Variants in GALNTL6 observed in about 807,000 individuals in gnomAD.
GALNTL6 encodes the protein polypeptide N-acetylgalactosaminyltransferase-like 6.
In GALNTL6, 46 loss-of-function variants were observed where a neutral mutation model predicts 73.7. That is an observed-to-expected ratio of 0.62 (90% confidence interval 0.49 to 0.80). The LOEUF (loss-of-function observed/expected upper bound fraction) is 0.80, where lower values mean the gene tolerates loss of function less well. Among genes scored for constraint, GALNTL6 ranks in the 30% least tolerant of loss-of-function variants. GALNTL6 has a pLI of 0.00. For synonymous variants in GALNTL6, 259 were observed against 263.7 expected (o/e 0.98, Z 0.17); for missense variants, 604 against 755.0 (o/e 0.80, Z 2.34).
chr4:172,358,941 A>C lies in GALNTL6; in HGVS notation c.553+10252A>C, dbSNP rs184720131. 8.9e-4 allele frequency among the ~76,000 whole-genome samples: 135 copies of C among 151,904 alleles called. 1 individual carries two copies. Among genetic ancestry groups the C allele is most frequent in the Non-Finnish European group, 9.6e-4 (65 of 67,972 alleles). ...CTTATACACTATTGGTAGGGGTGTAAATTAGTTCAACTATTGTGGAAAGCA... is the reference window on the plus strand; with the variant it reads ...CTTATACACTATTGGTAGGGGTGTACATTAGTTCAACTATTGTGGAAAGCA... On this transcript the variant is annotated intron_variant, in intron 5 of 12. Coordinates refer to ENST00000506823, the MANE Select transcript of GALNTL6 (RefSeq NM_001034845.3).
At chr4:172,988,204 TGAG>T (rs1751382073) in intron 10 of GALNTL6, among the ~76,000 whole-genome samples, 1 of 152,206 alleles carries the variant, frequency 6.6e-6, no homozygotes, top group Non-Finnish European at 1.5e-5. Context: ...AAGTCCAGGC[TGAG>T]GTGGTCTCAG....
chr4:172,445,763 A>G (rs1347633608), intron 5 of GALNTL6, among the ~76,000 whole-genome samples: 2 of 152,178 alleles, frequency 1.3e-5, no homozygotes, highest in East Asian at 1.9e-4. Flanking sequence ...AATTATTTGA[A>G]TGTATGAGTG....
At chr4:171,983,675 C>T (rs1384124910) in intron 2 of GALNTL6, among the ~76,000 whole-genome samples, 1 of 151,868 alleles carries the variant, frequency 6.6e-6, no homozygotes, top group African/African-American at 2.4e-5. Context: ...CTTAATAATG[C>T]TCTCCTTGAA....
At position 172,327,067 on chromosome 4, in the gene GALNTL6, TAATA is replaced by T. The variant is rs547897662; in HGVS notation, c.386+15316_386+15319del. On this transcript the variant is annotated intron_variant, in intron 4 of 12. Transcript: ENST00000506823. ...TTTGCTATAAGCTAATCGATTAGATTAATATTTTTAAGTGAATAGATACTAATAA... is the reference window on the plus strand; with the variant it reads ...TTTGCTATAAGCTAATCGATTAGATTTTTTTAAGTGAATAGATACTAATAA... 3.2e-3 allele frequency among the ~76,000 whole-genome samples: 489 copies of T among 152,190 alleles called. 1 individual carries two copies. Among genetic ancestry groups the T allele is most frequent in the African/African-American group, 0.011 (468 of 41,568 alleles).
chr4:172,767,862 G>A (rs1282056342), intron 5 of GALNTL6, among the ~76,000 whole-genome samples: 1 of 151,730 alleles, frequency 6.6e-6, no homozygotes, highest in African/African-American at 2.4e-5. Context: ...TATAGACGGG[G>A]TTTCACCATG....
chr4:172,276,887 C>CATTTTATTAATTTAATGGACT (rs1341821965), intron 3 of GALNTL6, among the ~76,000 whole-genome samples: 1 of 151,930 alleles, frequency 6.6e-6, no homozygotes, highest in Non-Finnish European at 1.5e-5. Context: ...AAAAACATGC[C>CATTTTATTAATTTAATGGACT]ATTTTATTAA....
chr4:172,227,424 C>T (rs1232004088), intron 2 of GALNTL6, among the ~76,000 whole-genome samples: 3 of 152,136 alleles, frequency 2.0e-5, no homozygotes, highest in Non-Finnish European at 2.9e-5. Flanking sequence ...ATACCATTGA[C>T]GCTCCAGTCT....
At chr4:172,090,017 C>A (rs1362692552) in intron 2 of GALNTL6, among the ~76,000 whole-genome samples, 2 of 152,192 alleles carry the variant, frequency 1.3e-5, no homozygotes, top group Non-Finnish European at 2.9e-5. Flanking sequence ...CATGTCCCTG[C>A]AAAGGATATG....
chr4:172,546,786 A>ATATATATATACG lies in GALNTL6; in HGVS notation c.553+198106_553+198117dup, dbSNP rs767223675. Reference sequence around the variant, plus strand: ...TATTAGAGTTTTTCAACTCCGCTTTATATATATATACGTATATATACGTAT... The same window carrying ATATATATATACG: ...TATTAGAGTTTTTCAACTCCGCTTTATATATATATACGTATATATATACGTATATATACGTAT... On this transcript the variant is annotated intron_variant, in intron 5 of 12. Coordinates refer to ENST00000506823, the MANE Select transcript of GALNTL6 (RefSeq NM_001034845.3). Among the ~76,000 whole-genome samples, 41 of 9,832 alleles carry ATATATATATACG rather than the reference A, an allele frequency of 4.2e-3. 1 individual carries two copies. Among genetic ancestry groups the ATATATATATACG allele is most frequent in the South Asian group, 0.012 (3 of 258 alleles). 6.5% of individuals were successfully genotyped at this position (9,832 alleles called of 152,430 possible).
chr4:172,900,187 T>C (rs1248042925), intron 8 of GALNTL6, among the ~76,000 whole-genome samples: 1 of 152,214 alleles, frequency 6.6e-6, no homozygotes, highest in Non-Finnish European at 1.5e-5. Context: ...GTGTGCATTA[T>C]CTAGTTTAAA....
At chr4:172,380,304 ATTC>A in intron 5 of GALNTL6, 2 of 744,340 alleles carry the variant, frequency 2.7e-6, no homozygotes, top group Non-Finnish European at 5.0e-6. Flanking sequence ...GCCATTGGGT[ATTC>A]TTCTGGAAGA....
chr4:172,021,868 A>G (rs1741413128), intron 2 of GALNTL6, among the ~76,000 whole-genome samples: 1 of 152,248 alleles, frequency 6.6e-6, no homozygotes, highest in East Asian at 1.9e-4. Context: ...TGGTCCTAGA[A>G]AAACTGGGTA....
At chr4:171,835,401 G>C (rs904231293) in intron 2 of GALNTL6, among the ~76,000 whole-genome samples, 3 of 151,832 alleles carry the variant, frequency 2.0e-5, no homozygotes, top group Admixed American at 6.6e-5. Context: ...ACATTGTTAG[G>C]TGCTAGATTA....
intron 5 of GALNTL6, among the ~76,000 whole-genome samples, chr4:172,524,748 A>G (rs577726302): frequency 2.9e-4 from 44 of 152,344 alleles, no homozygotes; most frequent in African/African-American, 9.6e-4. Flanking sequence ...TCTTAACAGT[A>G]TCATTTGGTG....
chr4:172,898,480 A>T (rs1173471366), intron 8 of GALNTL6, among the ~76,000 whole-genome samples: 1 of 151,836 alleles, frequency 6.6e-6, no homozygotes, highest in African/African-American at 2.4e-5. Context: ...ATAAAATAAA[A>T]CTTTTTTCTC....
At chr4:172,386,548 C>A (rs1158420676) in intron 5 of GALNTL6, among the ~76,000 whole-genome samples, 1 of 152,138 alleles carries the variant, frequency 6.6e-6, no homozygotes, top group Non-Finnish European at 1.5e-5. Flanking sequence ...GCAATTCTCT[C>A]ACTCAATTAT....
intron 5 of GALNTL6, among the ~76,000 whole-genome samples, chr4:172,556,175 G>A (rs1035001536): frequency 6.6e-6 from 1 of 151,970 alleles, no homozygotes; most frequent in Non-Finnish European, 1.5e-5. Flanking sequence ...TAGTGAAATA[G>A]GGTACTTAGC....
chr4:172,003,767 T>C lies in GALNTL6; in HGVS notation c.138+189049T>C, dbSNP rs191900509. On this transcript the variant is annotated intron_variant, in intron 2 of 12. Coordinates refer to ENST00000506823, the MANE Select transcript of GALNTL6 (RefSeq NM_001034845.3). The stretch of plus-strand genomic sequence containing the variant: ...GTGCCTTCAGCTGTCTTTTCATTTC[T>C]GGACCTAGGAGACTTATTCAATTTC... Among the ~76,000 whole-genome samples, 20 of 152,250 alleles carry C rather than the reference T, an allele frequency of 1.3e-4. No homozygotes were observed. In the East Asian group the frequency reaches 3.9e-3, roughly 29 times the overall value.
At chr4:172,621,735 G>C (rs1738967305) in intron 5 of GALNTL6, among the ~76,000 whole-genome samples, 1 of 151,994 alleles carries the variant, frequency 6.6e-6, no homozygotes. Flanking sequence ...ATTAATATAG[G>C]AATCCTAGGT....
Sources: gnomAD v4.1 joint callset for allele counts (sites outside exome capture counted in the v4.1 genomes callset) on GRCh38, gnomAD v4.1.1 for gene constraint, MANE v1.5 for transcripts, NCBI Gene and HGNC (gene_info 2026-07-23, HGNC 2026-07-21) for gene names.